GAS2L3: variants seen among roughly 807,000 people sequenced by gnomAD.
GAS2L3 encodes GAS2-like protein 3.
A neutral mutation model predicts 37.0 loss-of-function variants in GAS2L3; 28 were observed. That is an observed-to-expected ratio of 0.76 (90% confidence interval 0.56 to 1.04). The LOEUF (loss-of-function observed/expected upper bound fraction) is 1.04, where lower values mean the gene tolerates loss of function less well. Among genes scored for constraint, GAS2L3 ranks in the 50% least tolerant of loss-of-function variants. GAS2L3 has a pLI of 0.00. For synonymous variants in GAS2L3, 290 were observed against 296.6 expected, an observed-to-expected ratio of 0.98 and a Z score of 0.23; for missense variants, 793 against 817.6, an observed-to-expected ratio of 0.97 and a Z score of 0.37.
In GAS2L3 at chr12:100,611,927, A is replaced by C. The variant is rs1055072480; in HGVS notation, c.304-73A>C. ...CAGGTGATGGATTGAACATTTATTT[A>C]GCAATATCAAAATGAATGTTTAATG... On this transcript the variant is annotated intron_variant, in intron 5 of 9. Coordinates refer to ENST00000547754, the MANE Select transcript of GAS2L3 (RefSeq NM_174942.3). 6.6e-5 allele frequency: 63 copies of C among 960,582 alleles called. 1 individual carries two copies. In the East Asian group the frequency reaches 1.5e-3, roughly 23 times the overall value. 59.5% of individuals were successfully genotyped at this position (960,582 alleles called of 1,614,324 possible).
At chr12:100,614,756 A>C (rs376805584) in intron 6 of GAS2L3, among the ~76,000 whole-genome samples, 28 of 152,320 alleles carry the variant, frequency 1.8e-4, no homozygotes, top group African/African-American at 6.5e-4. Context: ...TGGATGTTTC[A>C]TATAAATGGA....
At chr12:100,610,237 T>C (rs1324571671) in intron 5 of GAS2L3, among the ~76,000 whole-genome samples, 1 of 152,206 alleles carries the variant, frequency 6.6e-6, no homozygotes, top group African/African-American at 2.4e-5. Context: ...TAAATGTTTA[T>C]CAACAGAGAA....
At chr12:100,617,895 T>TA (rs150008707) in intron 7 of GAS2L3, 88 bp downstream of exon 7, 46,341 of 739,670 alleles carry the variant, frequency 0.063, 2,634 homozygotes, top group East Asian at 0.2. Context: ...TTTCTATAAA[T>TA]AAAAAAATGC....
intron 2 of GAS2L3, chr12:100,592,224 C>A (rs751616863): frequency 6.6e-6 from 1 of 152,190 alleles, no homozygotes. Flanking sequence ...TGATCCTATC[C>A]TTGCAGCTTG....
At chr12:100,604,591 T>C (rs1173240885) in intron 5 of GAS2L3, among the ~76,000 whole-genome samples, 1 of 151,884 alleles carries the variant, frequency 6.6e-6, no homozygotes, top group Non-Finnish European at 1.5e-5. Context: ...AATCTTTCTT[T>C]CTCTTGTCTA....
rs559612666 is a variant in GAS2L3, at chr12:100,616,739, A to G, written c.446-1005A>G. Among the ~76,000 whole-genome samples, 3 of 152,282 alleles carry G rather than the reference A, an allele frequency of 2.0e-5. No individual in the cohort carries two copies. In the East Asian group the frequency reaches 5.8e-4, roughly 29 times the overall value. On this transcript the variant is annotated intron_variant, in intron 6 of 9. Transcript: ENST00000547754. ...GCTAGGATTATAGGTGTGAGCCACCATGTCTGGCCTATGTTATCTGTTAAT... is the reference window on the plus strand; with the variant it reads ...GCTAGGATTATAGGTGTGAGCCACCGTGTCTGGCCTATGTTATCTGTTAAT...
intron 9 of GAS2L3, 140 bp downstream of exon 9, chr12:100,622,522 G>A (rs1956268323): frequency 1.2e-5 from 6 of 504,154 alleles, no homozygotes; most frequent in Non-Finnish European, 2.1e-5. Flanking sequence ...CACTGTACAG[G>A]GAAAATGGAG....
chr12:100,616,249 G>A (rs10860610), intron 6 of GAS2L3, among the ~76,000 whole-genome samples: 24,687 of 152,052 alleles, frequency 0.16, 2,871 homozygotes, highest in East Asian at 0.48. Context: ...CATTGTAAGT[G>A]TAATTATTTT....
intron 6 of GAS2L3, among the ~76,000 whole-genome samples, chr12:100,614,641 A>C (rs1435497473): frequency 1.3e-5 from 2 of 152,192 alleles, no homozygotes; most frequent in East Asian, 3.8e-4. Context: ...ATCTAATTTC[A>C]GAACATTTCT....
At chr12:100,578,979 G>A (rs1417322016) in intron 1 of GAS2L3, 23 of 895,000 alleles carry the variant, frequency 2.6e-5, no homozygotes, top group Admixed American at 8.9e-5. Flanking sequence ...AATCGAAAAG[G>A]CATCCGTTAC....
intron 1 of GAS2L3, among the ~76,000 whole-genome samples, chr12:100,574,244 G>C (rs942250737): frequency 6.6e-6 from 1 of 152,158 alleles, no homozygotes; most frequent in African/African-American, 2.4e-5. Context: ...CATCATCCTC[G>C]GAAAGAATTG....
At chr12:100,605,907 G>T (rs1311187673) in intron 5 of GAS2L3, among the ~76,000 whole-genome samples, 1 of 150,948 alleles carries the variant, frequency 6.6e-6, no homozygotes, top group Non-Finnish European at 1.5e-5. Flanking sequence ...GACTTGTTTT[G>T]TGACCTAACA....
At chr12:100,588,344 C>T (rs981397092) in intron 1 of GAS2L3, among the ~76,000 whole-genome samples, 1 of 152,086 alleles carries the variant, frequency 6.6e-6, no homozygotes. Context: ...CCTGTGATGC[C>T]CTCCTGAGTC....
chr12:100,602,628 C>G lies in GAS2L3; in HGVS notation c.303+875C>G, dbSNP rs371514688. Among the ~76,000 whole-genome samples, 77 of 152,178 alleles carry G rather than the reference C, an allele frequency of 5.1e-4. No homozygotes were observed. In the South Asian group the frequency reaches 9.5e-3, roughly 19 times the overall value. On this transcript the variant is annotated intron_variant, in intron 5 of 9. Transcript: ENST00000547754. ...ATATCCATTCCCTCAAGCATTTATT[C>G]TTTGTGTTACAAGCCATCCAATTGT... is the stretch of plus-strand genomic sequence containing the variant.
Position 100,624,439 on chromosome 12 carries a change from A to G in GAS2L3, c.1634A>G (p.Gln545Arg). ...TQSQPSDGAP[Q>R]AKPVPAQKLK... ...TCTCAACCATCCGATGGAGCCCCAC[A>G]AGCAAAGCCAGTCCCAGCACAGAAA... is the stretch of plus-strand genomic sequence containing the variant. The change falls in exon 10 of 10, where the codon CAA becomes CGA. Residue 545 changes from glutamine to arginine, a missense_variant. Gln to Arg is a conservative substitution (Grantham distance 43). Coordinates refer to ENST00000547754, the MANE Select transcript of GAS2L3 (RefSeq NM_174942.3). 3 of 1,614,042 alleles carry G rather than the reference A, an allele frequency of 1.9e-6. No individual in the cohort carries two copies. The South Asian group carries it at 3.3e-5, about 18-fold the overall frequency.
intron 3 of GAS2L3, among the ~76,000 whole-genome samples, chr12:100,599,288 T>C (rs1955953868): frequency 6.6e-6 from 1 of 152,220 alleles, no homozygotes; most frequent in Non-Finnish European, 1.5e-5. Flanking sequence ...GCCTTTTCTA[T>C]GAATAATCTT....
At chr12:100,578,626 T>G in intron 1 of GAS2L3, 1 of 238,864 alleles carries the variant, frequency 4.2e-6, no homozygotes, top group Non-Finnish European at 8.0e-6. Context: ...TCACGTAAGA[T>G]GTGTATTGGC....
Position 100,624,781 on chromosome 12 carries a change from C to A in GAS2L3, c.1976C>A (p.Pro659His). ...GKTPASIRKP[P>H]SSVKDADSGD... ...ACCCCAGCTTCAATCAGGAAACCAC[C>A]CTCATCTGTTAAGGATGCAGATAGT... Residue 659 changes from proline to histidine, a missense_variant, in exon 10 of 10, where the codon CCC becomes CAC. By Grantham distance (77) the Pro-to-His change is moderately conservative. Transcript: ENST00000547754. The A allele has an allele frequency of 1.2e-6, 2 of 1,613,820 alleles. No individual in the cohort carries two copies. The highest frequency in any genetic ancestry group is 1.3e-5 in the African/African-American group (1 of 74,982).
At chr12:100,605,996 T>G (rs1956051819) in intron 5 of GAS2L3, among the ~76,000 whole-genome samples, 1 of 152,012 alleles carries the variant, frequency 6.6e-6, no homozygotes, top group African/African-American at 2.4e-5. Flanking sequence ...TAAATATTTA[T>G]TTGGTCCATT....
Sources: gnomAD v4.1 joint callset for allele counts (sites outside exome capture counted in the v4.1 genomes callset) on GRCh38, gnomAD v4.1.1 for gene constraint, MANE v1.5 for transcripts, NCBI Gene and HGNC (gene_info 2026-07-23, HGNC 2026-07-21) for gene names.